CYP4F3: variants seen among roughly 807,000 people sequenced by gnomAD.
CYP4F3 encodes cytochrome P450 family 4 subfamily F member 3.
Under a neutral mutation model 54.8 loss-of-function variants are expected in CYP4F3, and 50 were observed. That is an observed-to-expected ratio of 0.91 (90% CI 0.73 to 1.16). The LOEUF (loss-of-function observed/expected upper bound fraction) is 1.16, where lower values mean the gene tolerates loss of function less well. Among genes scored for constraint, CYP4F3 ranks in the 50% most tolerant of loss-of-function variants. CYP4F3 has a pLI of 0.00. For synonymous variants in CYP4F3, 244 were observed against 262.6 expected, an observed-to-expected ratio of 0.93 and a Z score of 0.69; for missense variants, 715 against 676.2, an observed-to-expected ratio of 1.06 and a Z score of -0.64.
In CYP4F3 at chr19:15,660,532, C is replaced by T. The variant is rs1338494824; in HGVS notation, c.*1147C>T. On this transcript the variant is annotated 3_prime_UTR_variant, in exon 13 of 13. Transcript: ENST00000221307. ...CCTCACACCAATTTTATGGACTGGA[C>T]GTTAACTCTCTTGCTCAAGGTCACT... 3.8e-5 allele frequency: 5 copies of T among 132,850 alleles called. No individual in the cohort carries two copies. Among genetic ancestry groups the T allele is most frequent in the Admixed American group, 7.8e-5 (1 of 12,776 alleles). The allele number at this position is 132,850 out of a possible 1,614,324, so 8.2% of individuals were successfully genotyped here.
intron 9 of CYP4F3, among the ~76,000 whole-genome samples, chr19:15,655,755 TG>T (rs1972994769): frequency 2.0e-5 from 3 of 152,254 alleles, no homozygotes; most frequent in African/African-American, 4.8e-5. Flanking sequence ...ATATACATTT[TG>T]GAAAATGAGT....
In CYP4F3 at chr19:15,649,177, G is replaced by T; in HGVS notation, c.543G>T (p.Leu181=). 6.2e-7 allele frequency: 1 copy of T among 1,613,376 alleles called. No individual in the cohort carries two copies. The highest frequency in any genetic ancestry group is 1.1e-5 in the South Asian group (1 of 91,066). Residue 181 remains leucine, a synonymous_variant, in exon 6 of 13, where the codon CTG becomes CTT. Transcript: ENST00000221307. ...CTGGCTAGGCCAAGTGGCAGCTCCT[G>T]GCCTCAGAGGGTAGTGCCCGTCTGG... The part of the protein sequence containing the change: ...VNIMHAKWQL[L]ASEGSARLDM...
chr19:15,643,309 ATAGAT>A (rs1311863514), intron 2 of CYP4F3, among the ~76,000 whole-genome samples: 1 of 145,392 alleles, frequency 6.9e-6, no homozygotes, highest in Non-Finnish European at 1.5e-5. Context: ...AGGTAGATAG[ATAGAT>A]TAGATAGATA....
In CYP4F3 at chr19:15,645,806, C is replaced by A; in HGVS notation, c.286C>A (p.His96Asn). The A allele has an allele frequency of 6.2e-7, 1 of 1,614,102 alleles. No homozygotes were observed. Among genetic ancestry groups the A allele is most frequent in the Non-Finnish European group, 8.5e-7 (1 of 1,179,958 alleles). Residue 96 changes from histidine (H) to asparagine (N), a missense_variant, in exon 3 of 13, where the codon CAC (histidine) becomes AAC (asparagine). Coordinates refer to ENST00000221307, the MANE Select transcript of CYP4F3 (RefSeq NM_000896.3). ...DMCCWWVGPWHAIVRIFHPTY... is the reference protein window; with the variant it reads ...DMCCWWVGPWNAIVRIFHPTY... ...GTGCTGCTGGTGGGTGGGGCCCTGG[C>A]ACGCAATCGTCCGCATCTTCCACCC...
chr19:15,641,609 G>T lies in CYP4F3; in HGVS notation c.194G>T (p.Gly65Val), dbSNP rs1214807127. 2 of 1,614,024 alleles carry T rather than the reference G, an allele frequency of 1.2e-6. No individual in the cohort carries two copies. Among genetic ancestry groups the T allele is most frequent in the Admixed American group, 1.7e-5 (1 of 60,012 alleles). The stretch of plus-strand genomic sequence containing the variant: ...CGGAATTGGTTCTTGGGTCACCTGG[G>T]CCTGGTGAGTGTGGCAGCAGGACGG... ...PKRNWFLGHL[G>V]LIHSSEEGLL... Residue 65 changes from glycine (G) to valine (V), a missense_variant, in exon 2 of 13, where the codon GGC becomes GTC. Coordinates refer to ENST00000221307, the MANE Select transcript of CYP4F3 (RefSeq NM_000896.3).
chr19:15,643,492 GA>G (rs1052509486), intron 2 of CYP4F3, among the ~76,000 whole-genome samples: 1 of 152,104 alleles, frequency 6.6e-6, no homozygotes, highest in African/African-American at 2.4e-5. Flanking sequence ...ATAGATAGAA[GA>G]GGGAGTTTAT....
chr19:15,647,355 C>A, intron 5 of CYP4F3, 31 bp downstream of exon 5: 1 of 1,613,506 alleles, frequency 6.2e-7, no homozygotes, highest in South Asian at 1.1e-5. Flanking sequence ...GTCCCAGCTG[C>A]AGCCTTTGGT....
chr19:15,653,440 A>C (rs1024804694), intron 9 of CYP4F3, among the ~76,000 whole-genome samples: 24 of 152,066 alleles, frequency 1.6e-4, no homozygotes, highest in Non-Finnish European at 2.6e-4. Context: ...ACTGCATTCC[A>C]ACCCCCACAT....
rs138865516 is a variant in CYP4F3, at chr19:15,647,255, G to A, written c.456G>A (p.Thr152=). The change falls in exon 5 of 13, where the codon ACG becomes ACA. Residue 152 remains threonine (T), a synonymous_variant. Coordinates refer to ENST00000221307, the MANE Select transcript of CYP4F3 (RefSeq NM_000896.3). ...GGAGCCGCCACCGTCGGATGCTGAC[G>A]CCTGCCTTCCATTTCAACATCCTGA... is the stretch of plus-strand genomic sequence containing the variant. The part of the protein sequence containing the change: ...EKWSRHRRML[T]PAFHFNILKP... 1.2e-5 allele frequency: 20 copies of A among 1,614,196 alleles called. No homozygotes were observed. Among genetic ancestry groups the A allele is most frequent in the South Asian group, 7.7e-5 (7 of 91,086 alleles).
At chr19:15,643,885 A>G (rs757705530) in intron 2 of CYP4F3, 2 of 1,531,478 alleles carry the variant, frequency 1.3e-6, no homozygotes, top group South Asian at 2.5e-5. Flanking sequence ...ACAGGAGGTG[A>G]CGGCCCCTGC....
rs1209324986 is a variant in CYP4F3, at chr19:15,650,779, C to CG, written c.918+596_918+597insG. On this transcript the variant is annotated intron_variant, in intron 7 of 12. Coordinates refer to ENST00000221307, the MANE Select transcript of CYP4F3 (RefSeq NM_000896.3). Reference sequence around the variant, plus strand: ...TTTCTTTCTTTCTTTTTCTTTCGTTCTTTCTTTCTTTCTTTCTTTCTCTCT... The same window carrying CG: ...TTTCTTTCTTTCTTTTTCTTTCGTTCGTTTCTTTCTTTCTTTCTTTCTCTCT... 2.2e-4 allele frequency among the ~76,000 whole-genome samples: 15 copies of CG among 68,588 alleles called. 5 individuals carry two copies. The highest frequency in any genetic ancestry group is 8.9e-4 in the African/African-American group (10 of 11,216). 45.0% of individuals were successfully genotyped at this position (68,588 alleles called of 152,430 possible). A position where few individuals can be genotyped will look rare whatever the true frequency, so the allele number is the denominator to read the frequency against.
intron 12 of CYP4F3, among the ~76,000 whole-genome samples, 180 bp downstream of exon 12, chr19:15,658,989 C>G (rs1285675753): frequency 6.6e-6 from 1 of 151,840 alleles, no homozygotes; most frequent in African/African-American, 2.4e-5. Context: ...AGAAGGATCC[C>G]TAGTGAGCTC....
intron 2 of CYP4F3, 99 bp downstream of exon 2, chr19:15,641,712 G>T: frequency 7.9e-7 from 1 of 1,265,592 alleles, no homozygotes; most frequent in Non-Finnish European, 1.1e-6. Context: ...CTGGGGTCTG[G>T]GGTGGCAGAG....
chr19:15,643,160 AATAG>A lies in CYP4F3; in HGVS notation c.198+1556_198+1559del, dbSNP rs369490704. ...GATGAATAGATTAGATAGATAAATG[AATAG>A]ATAGATAGGTAGGTAGATAGATAAT... On this transcript the variant is annotated intron_variant, in intron 2 of 12. Coordinates refer to ENST00000221307, the MANE Select transcript of CYP4F3 (RefSeq NM_000896.3). Among the ~76,000 whole-genome samples the A allele has an allele frequency of 4.7e-3, 719 of 152,218 alleles. 4 individuals are homozygous for A. Among genetic ancestry groups the A allele is most frequent in the African/African-American group, 0.014 (582 of 41,514 alleles).
intron 5 of CYP4F3, 135 bp downstream of exon 5, chr19:15,647,459 C>A: frequency 7.0e-7 from 1 of 1,428,902 alleles, no homozygotes; most frequent in Non-Finnish European, 9.5e-7. Flanking sequence ...GTTTCCTCAT[C>A]TGTAAAATCC....
intron 7 of CYP4F3, among the ~76,000 whole-genome samples, chr19:15,650,499 T>G (rs1416766517): frequency 6.6e-6 from 1 of 152,226 alleles, no homozygotes; most frequent in Non-Finnish European, 1.5e-5. Flanking sequence ...CCTATGTCTT[T>G]CTGTATCTTT....
intron 11 of CYP4F3, 71 bp from the exon 12 acceptor site, chr19:15,658,656 A>G: frequency 6.2e-7 from 1 of 1,609,322 alleles, no homozygotes; most frequent in Non-Finnish European, 8.5e-7. Flanking sequence ...TCCAAGACAC[A>G]CACCACTGTC....
intron 7 of CYP4F3, among the ~76,000 whole-genome samples, chr19:15,650,709 T>TTTCC (rs1972788315): frequency 1.1e-5 from 1 of 87,058 alleles, no homozygotes; most frequent in African/African-American, 6.1e-5. Flanking sequence ...TCTTTCTTTC[T>TTTCC]TTCTTTCTTT....
intron 9 of CYP4F3, among the ~76,000 whole-genome samples, chr19:15,654,684 A>C (rs1972967079): frequency 6.6e-6 from 1 of 152,246 alleles, no homozygotes; most frequent in South Asian, 2.1e-4. Context: ...AAATGACAAA[A>C]TTTCAGTCTT....
Sources: gnomAD v4.1 joint callset for allele counts (sites outside exome capture counted in the v4.1 genomes callset) on GRCh38, gnomAD v4.1.1 for gene constraint, MANE v1.5 for transcripts, NCBI Gene and HGNC (gene_info 2026-07-23, HGNC 2026-07-21) for gene names.